The following PTPRT variants were observed in gnomAD, a reference collection of about 807,000 sequenced individuals.
PTPRT encodes receptor-type tyrosine-protein phosphatase T.
PTPRT carries 56 observed loss-of-function variants against 176.8 expected under a neutral mutation model. That is an observed-to-expected ratio of 0.32 (90% confidence interval 0.26 to 0.40). The LOEUF is 0.40. PTPRT is among the 10% of genes least tolerant of loss of function. The pLI is 1.00. For synonymous variants in PTPRT, 783 were observed against 739.0 expected, an observed-to-expected ratio of 1.06 and a Z score of -0.96; for missense variants, 1,540 against 1,908.2, an observed-to-expected ratio of 0.81 and a Z score of 3.60.
At chr20:42,032,488 C>G in the PTPRT span, among the ~76,000 whole-genome samples, 1 of 152,118 alleles carries the variant, frequency 6.6e-6, no homozygotes, top group Non-Finnish European at 1.5e-5. Context: ...GCTCAACAAG[C>G]AGAAAAGGGG....
Position 43,113,833 on chromosome 20 carries a change from T to C in PTPRT, c.88+75813A>G, listed in dbSNP as rs79640869. On this transcript the variant is annotated intron_variant, in intron 1 of 30. Coordinates refer to ENST00000373187, the MANE Select transcript of PTPRT (RefSeq NM_007050.6). ...ATGCAAACAAGGGTATTCCCGAATC[T>C]CTTGTTTAAGAAACAACAGGCAGTG... is the stretch of plus-strand genomic sequence containing the variant. Among the ~76,000 whole-genome samples the C allele has an allele frequency of 1.5e-4, 23 of 152,342 alleles. No homozygotes were observed. In the East Asian group the frequency reaches 4.4e-3, roughly 29 times the overall value.
intron 26 of PTPRT, 32 bp downstream of exon 26, chr20:42,102,092 A>G: frequency 6.3e-7 from 1 of 1,599,084 alleles, no homozygotes; most frequent in Admixed American, 1.7e-5. Context: ...CTAGAATGCC[A>G]GCTAGGAGCT....
intron 1 of PTPRT, among the ~76,000 whole-genome samples, chr20:42,892,421 T>C (rs919136577): frequency 6.6e-6 from 1 of 152,066 alleles, no homozygotes; most frequent in South Asian, 2.1e-4. Flanking sequence ...GTTCACAGAA[T>C]CTGGTCTCAC....
intron 27 of PTPRT, among the ~76,000 whole-genome samples, chr20:42,097,161 A>G (rs911032453): frequency 6.6e-6 from 1 of 152,184 alleles, no homozygotes; most frequent in African/African-American, 2.4e-5. Flanking sequence ...TCTGTCGCTT[A>G]CAAAGTAGAA....
intron 9 of PTPRT, among the ~76,000 whole-genome samples, chr20:42,391,533 T>C (rs1482486096): frequency 6.6e-6 from 1 of 152,124 alleles, no homozygotes; most frequent in Non-Finnish European, 1.5e-5. Flanking sequence ...ACGACTCCCA[T>C]CACAGAGGCA....
At chr20:42,897,822 T>C (rs1463112259) in intron 1 of PTPRT, among the ~76,000 whole-genome samples, 1 of 152,200 alleles carries the variant, frequency 6.6e-6, no homozygotes, top group African/African-American at 2.4e-5. Context: ...GCCTAACTCT[T>C]AAGGCTGTTA....
intron 7 of PTPRT, among the ~76,000 whole-genome samples, chr20:42,577,361 T>C (rs1471902528): frequency 6.6e-6 from 1 of 152,096 alleles, no homozygotes; most frequent in Non-Finnish European, 1.5e-5. Flanking sequence ...GAGGGATACA[T>C]CGCAGAAGCC....
intron 1 of PTPRT, among the ~76,000 whole-genome samples, chr20:42,919,463 C>T (rs557942934): frequency 2.0e-5 from 3 of 152,316 alleles, no homozygotes; most frequent in Non-Finnish European, 2.9e-5. Flanking sequence ...GGGGCTGCCC[C>T]AGAGATGCCA....
At chr20:42,484,350 AT>A (rs1267256990) in intron 7 of PTPRT, among the ~76,000 whole-genome samples, 3 of 152,098 alleles carry the variant, frequency 2.0e-5, no homozygotes, top group Non-Finnish European at 2.9e-5. Context: ...AAATAAAGCT[AT>A]TTTTTTCTTT....
chr20:42,984,052 G>A (rs964989479), intron 1 of PTPRT, among the ~76,000 whole-genome samples: 11 of 152,176 alleles, frequency 7.2e-5, no homozygotes, highest in African/African-American at 2.7e-4. Flanking sequence ...TCACATGCAT[G>A]CAAATATGGA....
intron 2 of PTPRT, among the ~76,000 whole-genome samples, chr20:42,852,277 T>C (rs981188473): frequency 1.3e-5 from 2 of 152,218 alleles, no homozygotes; most frequent in South Asian, 2.1e-4. Flanking sequence ...AGAAACATGA[T>C]ATTTTTCCAA....
At chr20:42,733,615 CA>C (rs1360527757) in intron 6 of PTPRT, among the ~76,000 whole-genome samples, 18 of 152,314 alleles carry the variant, frequency 1.2e-4, no homozygotes, top group Non-Finnish European at 2.1e-4. Flanking sequence ...GCCTGCCTTC[CA>C]GGAGGCATTT....
At chr20:42,638,740 C>A (rs559561009) in intron 7 of PTPRT, among the ~76,000 whole-genome samples, 21 of 152,202 alleles carry the variant, frequency 1.4e-4, no homozygotes, top group African/African-American at 4.3e-4. Context: ...CAAATCTATT[C>A]TTTGTCTAAA....
intron 8 of PTPRT, among the ~76,000 whole-genome samples, chr20:42,465,323 T>C (rs1319241296): frequency 2.6e-5 from 4 of 152,176 alleles, no homozygotes; most frequent in Admixed American, 6.5e-5. Context: ...ACCCTAAAGA[T>C]ACATTGCCAC....
chr20:42,745,874 A>G (rs940236922), intron 6 of PTPRT, among the ~76,000 whole-genome samples: 5 of 152,176 alleles, frequency 3.3e-5, no homozygotes, highest in Non-Finnish European at 7.3e-5. Context: ...CAGTGGTAAC[A>G]GGGGACCATG....
chr20:42,538,141 A>C (rs2072510047), intron 7 of PTPRT, among the ~76,000 whole-genome samples: 1 of 152,138 alleles, frequency 6.6e-6, no homozygotes, highest in South Asian at 2.1e-4. Flanking sequence ...AAAGAAAAAA[A>C]AAACAAAACA....
intron 8 of PTPRT, among the ~76,000 whole-genome samples, chr20:42,453,538 C>T (rs1053764005): frequency 6.6e-6 from 1 of 151,966 alleles, no homozygotes; most frequent in South Asian, 2.1e-4. Flanking sequence ...AGAAATAAAA[C>T]ATTACTATAC....
intron 2 of PTPRT, among the ~76,000 whole-genome samples, chr20:42,798,151 T>C (rs556902786): frequency 6.6e-6 from 1 of 152,130 alleles, no homozygotes; most frequent in Admixed American, 6.6e-5. Context: ...AGCTCAGCCA[T>C]GGTCCTTCAT....
intron 6 of PTPRT, among the ~76,000 whole-genome samples, chr20:42,709,920 A>T (rs1457189011): frequency 1.3e-5 from 2 of 152,170 alleles, no homozygotes. Flanking sequence ...CTAGCAAAAA[A>T]CTTGGCTGCA....
Sources: allele counts gnomAD v4.1 joint callset (sites outside exome capture counted in the v4.1 genomes callset), GRCh38; gene constraint gnomAD v4.1.1; transcripts MANE v1.5; gene names NCBI Gene and HGNC (gene_info 2026-07-23, HGNC 2026-07-21).